FOCAD: variants seen among roughly 807,000 people sequenced by gnomAD.
The protein encoded by FOCAD is focadhesin.
A neutral mutation model predicts 225.6 loss-of-function variants in FOCAD; 198 were observed. The ratio of observed to expected loss-of-function variants is 0.88; its 90% confidence interval spans 0.78 to 0.99. FOCAD has a LOEUF of 0.99. Ranked by LOEUF, FOCAD falls within the 50% of genes least tolerant of loss-of-function variation. The probability of loss-of-function intolerance (pLI) is 0.00; values close to 1 mark genes in which losing one functional copy is unlikely to be tolerated. For missense variants in FOCAD, 2,713 were observed against 2,123.6 expected (o/e 1.28, Z -5.46); for synonymous variants, 897 against 755.0 (o/e 1.19, Z -3.08).
intron 2 of FOCAD, among the ~76,000 whole-genome samples, chr9:20,671,981 G>GTTT (rs79845693): frequency 1.4e-5 from 2 of 142,116 alleles, no homozygotes; most frequent in Non-Finnish European, 1.5e-5. Context: ...AACCGTTGTA[G>GTTT]TTTTTTTTTT....
intron 1 of FOCAD, among the ~76,000 whole-genome samples, chr9:20,689,274 A>C (rs146867740): frequency 3.9e-5 from 6 of 152,172 alleles, no homozygotes; most frequent in African/African-American, 9.6e-5. Flanking sequence ...TTCAGGAACA[A>C]TGAGACTGGT....
At chr9:20,780,135 T>G (rs962881583) in intron 9 of FOCAD, among the ~76,000 whole-genome samples, 10 of 152,194 alleles carry the variant, frequency 6.6e-5, no homozygotes, top group East Asian at 5.8e-4. Flanking sequence ...TCTAGTAAAT[T>G]TATAGATTTG....
chr9:20,812,683 G>A (rs1466654137), intron 11 of FOCAD, among the ~76,000 whole-genome samples: 5 of 151,946 alleles, frequency 3.3e-5, no homozygotes, highest in African/African-American at 1.2e-4. Context: ...TATGTTTGCT[G>A]TTACTCTGCC....
chr9:20,770,563 A>G (rs1818114601), intron 8 of FOCAD, among the ~76,000 whole-genome samples: 1 of 152,228 alleles, frequency 6.6e-6, no homozygotes, highest in African/African-American at 2.4e-5. Flanking sequence ...ATTCATGAGG[A>G]ACACCTTTGT....
chr9:20,681,878 G>A (rs952109677), upstream of FOCAD, among the ~76,000 whole-genome samples: 3 of 152,170 alleles, frequency 2.0e-5, no homozygotes, highest in Non-Finnish European at 2.9e-5. Flanking sequence ...TAGGCTCCAA[G>A]TTTAATGGTC....
At chr9:20,939,136 C>T (rs76201101) in intron 28 of FOCAD, among the ~76,000 whole-genome samples, 1,267 of 56,672 alleles carry the variant, frequency 0.022, 18 homozygotes, top group African/African-American at 0.058. Context: ...GGCGACAGAG[C>T]GAGACTCTCT....
intron 15 of FOCAD, among the ~76,000 whole-genome samples, chr9:20,846,843 G>T (rs1461965349): frequency 2.6e-5 from 4 of 152,206 alleles, no homozygotes; most frequent in East Asian, 1.9e-4. Flanking sequence ...AGACATTTTA[G>T]TGCTTACCCA....
rs190551307 is a variant in FOCAD, at chr9:20,782,259, C to G, written c.1197+330C>G. Among the ~76,000 whole-genome samples, 51 of 152,200 alleles carry G rather than the reference C, an allele frequency of 3.4e-4. 1 individual carries two copies. Among genetic ancestry groups the G allele is most frequent in the African/African-American group, 1.2e-3 (51 of 41,518 alleles). On this transcript the variant is annotated intron_variant, in intron 10 of 43. Transcript: ENST00000338382. ...CATGGAATCATTTTTTAAAATTATA[C>G]TGTTAGTTAAGTACAGCATATTGCT...
chr9:20,670,453 C>T (rs1453185798), intron 2 of FOCAD, among the ~76,000 whole-genome samples: 1 of 152,156 alleles, frequency 6.6e-6, no homozygotes, highest in African/African-American at 2.4e-5. Context: ...AATTTACAAT[C>T]ATAGTAGAAG....
chr9:20,838,321 TCA>T (rs1392439027), intron 15 of FOCAD, among the ~76,000 whole-genome samples: 1 of 152,040 alleles, frequency 6.6e-6, no homozygotes, highest in African/African-American at 2.4e-5. Context: ...TTATTTCTTT[TCA>T]CAATAGCCTG....
At chr9:20,687,069 TATTGGCTTTC>T (rs1190799683) in intron 1 of FOCAD, among the ~76,000 whole-genome samples, 1 of 152,098 alleles carries the variant, frequency 6.6e-6, no homozygotes, top group Non-Finnish European at 1.5e-5. Flanking sequence ...TAAAAGTTTA[TATTGGCTTTC>T]ATTTAATTAG....
chr9:20,733,221 T>G (rs1203976896), intron 4 of FOCAD, among the ~76,000 whole-genome samples: 1 of 152,166 alleles, frequency 6.6e-6, no homozygotes, highest in Non-Finnish European at 1.5e-5. Flanking sequence ...TTTTTCAAAT[T>G]AAATGACATG....
intron 15 of FOCAD, among the ~76,000 whole-genome samples, chr9:20,841,357 T>C (rs1826507966): frequency 6.6e-6 from 1 of 151,872 alleles, no homozygotes; most frequent in South Asian, 2.1e-4. Context: ...GATTGCAGAG[T>C]TTAGGCCATT....
chr9:20,937,485 T>A (rs1201556383), intron 28 of FOCAD, among the ~76,000 whole-genome samples: 3 of 151,912 alleles, frequency 2.0e-5, no homozygotes, highest in Non-Finnish European at 4.4e-5. Flanking sequence ...GGGAAAGGAT[T>A]CCCTATTTAA....
chr9:20,906,158 A>G (rs1220068442), intron 21 of FOCAD, among the ~76,000 whole-genome samples: 1 of 151,992 alleles, frequency 6.6e-6, no homozygotes, highest in Non-Finnish European at 1.5e-5. Flanking sequence ...TAAAGAACAT[A>G]CTAGAGGCCA....
At chr9:20,868,863 G>A (rs1322378252) in intron 18 of FOCAD, among the ~76,000 whole-genome samples, 1 of 152,082 alleles carries the variant, frequency 6.6e-6, no homozygotes, top group Admixed American at 6.6e-5. Flanking sequence ...TTCTGATACT[G>A]AGGACCTATC....
chr9:20,797,263 T>G (rs1248184554), intron 11 of FOCAD, among the ~76,000 whole-genome samples: 2 of 152,198 alleles, frequency 1.3e-5, no homozygotes, highest in African/African-American at 4.8e-5. Flanking sequence ...TGCCTCCAGC[T>G]TTGTTGTTTT....
upstream of FOCAD, among the ~76,000 whole-genome samples, chr9:20,679,551 G>A (rs192658902): frequency 4.6e-5 from 7 of 152,068 alleles, no homozygotes; most frequent in Non-Finnish European, 1.0e-4. Flanking sequence ...TAATGACTTG[G>A]GAGTGGGCAC....
At chr9:20,795,688 G>A (rs1464370078) in intron 11 of FOCAD, among the ~76,000 whole-genome samples, 3 of 148,762 alleles carry the variant, frequency 2.0e-5, no homozygotes, top group Non-Finnish European at 4.4e-5. Flanking sequence ...GGAGTCTGAG[G>A]CAGGAGAATG....
Sources: gnomAD v4.1 joint callset for allele counts (sites outside exome capture counted in the v4.1 genomes callset) on GRCh38, gnomAD v4.1.1 for gene constraint, MANE v1.5 for transcripts, NCBI Gene and HGNC (gene_info 2026-07-23, HGNC 2026-07-21) for gene names.